JOSD1: variants seen among roughly 807,000 people sequenced by gnomAD.
JOSD1 encodes the protein josephin-1.
A neutral mutation model predicts 24.3 loss-of-function variants in JOSD1; 11 were observed. The ratio of observed to expected loss-of-function variants is 0.45; its 90% CI spans 0.29 to 0.75. JOSD1 has a LOEUF of 0.75. JOSD1 is among the 30% of genes least tolerant of loss of function. JOSD1 has a pLI of 0.11. For synonymous variants in JOSD1, 106 were observed against 93.8 expected (o/e 1.13, Z -0.75); for missense variants, 184 against 253.5 (o/e 0.73, Z 1.86).
In JOSD1 at chr22:38,700,622, CGGA is replaced by C. The variant is rs1401776918; in HGVS notation, c.-631-7_-631-5del. 12 of 984,836 alleles carry C rather than the reference CGGA, an allele frequency of 1.2e-5. No individual in the cohort carries two copies. The highest frequency in any genetic ancestry group is 1.7e-5 in the African/African-American group (1 of 57,184). The allele number at this position is 984,836 out of a possible 1,614,324, so 61.0% of individuals were successfully genotyped here. A position where few individuals can be genotyped will look rare whatever the true frequency, so the allele number is the denominator to read the frequency against. Reference sequence around the variant, plus strand: ...TTCTAGCCCTCTGGCCGCGGCCCTGCGGAGGAGGAGACAACTCCGGTCAGCGGC... The same window carrying C: ...TTCTAGCCCTCTGGCCGCGGCCCTGCGGAGGAGACAACTCCGGTCAGCGGC... On this transcript the variant is annotated splice_region_variant and splice_polypyrimidine_tract_variant and intron_variant, in intron 1 of 4. Coordinates refer to ENST00000683374, the MANE Select transcript of JOSD1 (RefSeq NM_001360236.2).
Position 38,700,117 on chromosome 22 carries a change from T to G in JOSD1, c.-130A>C. On this transcript the variant is annotated 5_prime_UTR_variant, in exon 2 of 5. Transcript: ENST00000683374. ...ATTCTCTGGTGTCCATGATTTATGC[T>G]TTGTCACTGGGAGAAAAGATTGGAA... 1 of 1,386,950 alleles carries G rather than the reference T, an allele frequency of 7.2e-7. No homozygotes were observed. Among genetic ancestry groups the G allele is most frequent in the Non-Finnish European group, 9.4e-7 (1 of 1,067,318 alleles). 85.9% of individuals were successfully genotyped at this position (1,386,950 alleles called of 1,614,324 possible).
chr22:38,686,147 TG>T lies in JOSD1; in HGVS notation c.*1754del, dbSNP rs1196344770. ...TGCCAAGCAGGTCTGGTGTAGAAAATGGTGCAGAAGAGACTGCGGCCAGTTG... is the reference window on the plus strand; with the variant it reads ...TGCCAAGCAGGTCTGGTGTAGAAAATGTGCAGAAGAGACTGCGGCCAGTTG... On this transcript the variant is annotated 3_prime_UTR_variant, in exon 5 of 5. Transcript: ENST00000683374. The T allele has an allele frequency of 6.6e-6, 1 of 152,282 alleles. No individual in the cohort carries two copies. The highest frequency in any genetic ancestry group is 1.5e-5 in the Non-Finnish European group (1 of 68,004). The allele number at this position is 152,282 out of a possible 1,614,324, so 9.4% of individuals were successfully genotyped here. A position where few individuals can be genotyped will look rare whatever the true frequency, so the allele number is the denominator to read the frequency against.
intron 2 of JOSD1, among the ~76,000 whole-genome samples, chr22:38,690,431 C>T (rs909710597): frequency 6.6e-6 from 1 of 151,476 alleles, no homozygotes; most frequent in Admixed American, 6.6e-5. Flanking sequence ...GAGTCGGAGT[C>T]TTGCTCTGTC....
chr22:38,687,602 A>G lies in JOSD1; in HGVS notation c.*300T>C, dbSNP rs1232863116. The G allele has an allele frequency of 5.6e-6, 2 of 356,582 alleles. No individual in the cohort carries two copies. Among genetic ancestry groups the G allele is most frequent in the Non-Finnish European group, 1.0e-5 (2 of 196,906 alleles). The allele number at this position is 356,582 out of a possible 1,614,324, so 22.1% of individuals were successfully genotyped here. A position where few individuals can be genotyped will look rare whatever the true frequency, so the allele number is the denominator to read the frequency against. ...AGAACCTGTGTCAAGTCCTCATAGA[A>G]AAGGGAAAATAAGCTAGGATTCCCT... On this transcript the variant is annotated 3_prime_UTR_variant, in exon 5 of 5. Transcript: ENST00000683374.
Position 38,685,813 on chromosome 22 carries a change from TG to T in JOSD1, c.*2088del, listed in dbSNP as rs2092495345. ...GGCTTTTTGCCCTTGGGCATCAGCA[TG>T]GGTCCCTGTTCCTAAGCACCAGAAT... On this transcript the variant is annotated 3_prime_UTR_variant, in exon 5 of 5. Coordinates refer to ENST00000683374, the MANE Select transcript of JOSD1 (RefSeq NM_001360236.2). 1 of 152,676 alleles carries T rather than the reference TG, an allele frequency of 6.5e-6. No individual in the cohort carries two copies. The highest frequency in any genetic ancestry group is 1.5e-5 in the Non-Finnish European group (1 of 68,050). The allele number at this position is 152,676 out of a possible 1,614,324, so 9.5% of individuals were successfully genotyped here.
chr22:38,690,497 C>T (rs890675310), intron 2 of JOSD1, among the ~76,000 whole-genome samples: 3 of 151,952 alleles, frequency 2.0e-5, no homozygotes, highest in East Asian at 1.9e-4. Flanking sequence ...CCGTCTCCTG[C>T]GTTCAAGTGA....
chr22:38,692,227 T>C (rs1327998140), intron 2 of JOSD1, among the ~76,000 whole-genome samples: 1 of 152,258 alleles, frequency 6.6e-6, no homozygotes, highest in African/African-American at 2.4e-5. Flanking sequence ...TTCTATTGTA[T>C]AGGTCCATAA....
intron 2 of JOSD1, among the ~76,000 whole-genome samples, chr22:38,693,118 A>G (rs949469276): frequency 6.6e-6 from 1 of 152,192 alleles, no homozygotes; most frequent in African/African-American, 2.4e-5. Flanking sequence ...TTCCTGCAGA[A>G]TTCTTGGAGT....
At chr22:38,696,240 C>T (rs769439543) in intron 2 of JOSD1, among the ~76,000 whole-genome samples, 1 of 151,312 alleles carries the variant, frequency 6.6e-6, no homozygotes, top group Admixed American at 6.6e-5. Context: ...TTATACCCCC[C>T]CTTTTTTTTT....
chr22:38,688,653 G>A (rs750192028), intron 4 of JOSD1, among the ~76,000 whole-genome samples: 10 of 152,150 alleles, frequency 6.6e-5, no homozygotes, highest in Admixed American at 1.3e-4. Flanking sequence ...CAACTACACT[G>A]TCTCAGTTGT....
intron 2 of JOSD1, among the ~76,000 whole-genome samples, chr22:38,693,742 T>A (rs1400805762): frequency 6.6e-6 from 1 of 152,152 alleles, no homozygotes; most frequent in African/African-American, 2.4e-5. Flanking sequence ...TATTCTTTTA[T>A]CCTATTTCCT....
intron 3 of JOSD1, 48 bp from the exon 4 acceptor site, chr22:38,689,177 G>C: frequency 6.2e-7 from 1 of 1,602,304 alleles, no homozygotes. Context: ...CATTTTCCAA[G>C]GTTCCCTGGC....
At chr22:38,694,629 G>T (rs889575643) in intron 2 of JOSD1, among the ~76,000 whole-genome samples, 1 of 152,098 alleles carries the variant, frequency 6.6e-6, no homozygotes, top group African/African-American at 2.4e-5. Context: ...CTGGGAGGCC[G>T]AGGTGGACGG....
rs752362767 is a variant in JOSD1, at chr22:38,688,011, AAG to A, written c.510-12_510-11del. 2.5e-6 allele frequency: 4 copies of A among 1,597,632 alleles called. No individual in the cohort carries two copies. The highest frequency in any genetic ancestry group is 1.7e-5 in the Admixed American group (1 of 59,952). Reference sequence around the variant, plus strand: ...ATGTTTTAGAAACTTCCTATGGAAAAAGAGATAGAGAAAATGAAATGCTGGCA... The same window carrying A: ...ATGTTTTAGAAACTTCCTATGGAAAAAGATAGAGAAAATGAAATGCTGGCA... On this transcript the variant is annotated splice_polypyrimidine_tract_variant and intron_variant, in intron 4 of 4. Transcript: ENST00000683374.
chr22:38,696,407 T>G (rs369807000), intron 2 of JOSD1, among the ~76,000 whole-genome samples: 1 of 152,050 alleles, frequency 6.6e-6, no homozygotes, highest in South Asian at 2.1e-4. Context: ...CAGCTAATTT[T>G]TGTTTTTTTT....
chr22:38,689,881 T>C (rs2092514022), intron 2 of JOSD1, among the ~76,000 whole-genome samples: 1 of 149,796 alleles, frequency 6.7e-6, no homozygotes, highest in Non-Finnish European at 1.5e-5. Flanking sequence ...TAGTGAGGCC[T>C]ACTGGAATGC....
intron 2 of JOSD1, among the ~76,000 whole-genome samples, 156 bp downstream of exon 2, chr22:38,699,647 G>A (rs942959456): frequency 6.6e-6 from 1 of 152,222 alleles, no homozygotes; most frequent in Non-Finnish European, 1.5e-5. Flanking sequence ...CTGATAAATG[G>A]TAGTGATTAT....
At chr22:38,692,781 CAAAAAAAAAAAAA>C (rs61214432) in intron 2 of JOSD1, among the ~76,000 whole-genome samples, 1 of 45,026 alleles carries the variant, frequency 2.2e-5, no homozygotes, top group Admixed American at 2.2e-4. Flanking sequence ...AACTCTGTCT[CAAAAAAAAAAAAA>C]AAAAAAAAAA....
intron 3 of JOSD1, 25 bp from the exon 4 acceptor site, chr22:38,689,154 C>A: frequency 6.2e-7 from 1 of 1,606,002 alleles, no homozygotes; most frequent in Non-Finnish European, 8.5e-7. Context: ...TGGTGGCAGG[C>A]TCTGATGCAG....
Sources: allele counts gnomAD v4.1 joint callset (sites outside exome capture counted in the v4.1 genomes callset), GRCh38; gene constraint gnomAD v4.1.1; transcripts MANE v1.5; gene names NCBI Gene and HGNC (gene_info 2026-07-23, HGNC 2026-07-21).